NXPE2: variants seen among roughly 807,000 people sequenced by gnomAD.
NXPE2 encodes NXPE family member 2.
In NXPE2, 34 loss-of-function variants were observed where a neutral mutation model predicts 34.4. That is an observed-to-expected ratio of 0.99 (90% CI 0.75 to 1.31). The LOEUF (loss-of-function observed/expected upper bound fraction) is 1.31, where lower values mean the gene tolerates loss of function less well. Among genes scored for constraint, NXPE2 ranks in the 40% most tolerant of loss-of-function variants. The pLI is 0.00. For synonymous variants in NXPE2, 235 were observed against 231.3 expected (o/e 1.02, Z -0.15); for missense variants, 649 against 672.5 (o/e 0.97, Z 0.39).
chr11:114,607,610 C>T, the NXPE2 span, among the ~76,000 whole-genome samples: 1 of 151,752 alleles, frequency 6.6e-6, no homozygotes, highest in African/African-American at 2.4e-5. Context: ...CGTGAGTAAC[C>T]AGTGTTACCC....
the NXPE2 span, among the ~76,000 whole-genome samples, chr11:114,639,695 T>C: frequency 7.3e-6 from 1 of 137,842 alleles, no homozygotes; most frequent in Non-Finnish European, 1.5e-5. Flanking sequence ...GTATCTATTC[T>C]ATAATATATT....
chr11:114,475,924 A>C, the NXPE2 span, among the ~76,000 whole-genome samples: 1 of 152,210 alleles, frequency 6.6e-6, no homozygotes, highest in Admixed American at 6.5e-5. Flanking sequence ...ACAGTAGCCA[A>C]TCACCAACAG....
chr11:114,636,921 GA>G, the NXPE2 span, among the ~76,000 whole-genome samples: 1 of 152,070 alleles, frequency 6.6e-6, no homozygotes, highest in Non-Finnish European at 1.5e-5. Context: ...GTGTGTTGCT[GA>G]AAAAAATGTA....
At chr11:114,557,733 G>T in the NXPE2 span, among the ~76,000 whole-genome samples, 1 of 143,972 alleles carries the variant, frequency 6.9e-6, no homozygotes, top group East Asian at 2.0e-4. Context: ...CTTCTTTGCC[G>T]TTCTCTACTG....
chr11:114,645,567 A>C, the NXPE2 span, among the ~76,000 whole-genome samples: 1 of 152,208 alleles, frequency 6.6e-6, no homozygotes, highest in Non-Finnish European at 1.5e-5. Context: ...AGTGCAATAA[A>C]AGATACCCTA....
At chr11:114,550,774 A>G in the NXPE2 span, among the ~76,000 whole-genome samples, 3 of 152,204 alleles carry the variant, frequency 2.0e-5, no homozygotes, top group Admixed American at 6.5e-5. Context: ...ATAAAAAGAT[A>G]AAATGACAAG....
the NXPE2 span, among the ~76,000 whole-genome samples, chr11:114,663,690 C>T: frequency 5.4e-5 from 8 of 147,150 alleles, no homozygotes; most frequent in Non-Finnish European, 2.9e-5. Flanking sequence ...ATCTATCTAT[C>T]TATCTATCTA....
the NXPE2 span, among the ~76,000 whole-genome samples, chr11:114,740,788 T>C: frequency 6.6e-6 from 1 of 152,306 alleles, no homozygotes; most frequent in East Asian, 1.9e-4. Context: ...TCTATAATTA[T>C]ATTGCTGTCT....
chr11:114,581,669 A>G, the NXPE2 span: 1 of 1,359,360 alleles, frequency 7.4e-7, no homozygotes, highest in Non-Finnish European at 1.0e-6. Context: ...AGAAAGAAGA[A>G]ACCCTTTAAA....
At chr11:114,635,653 T>C in the NXPE2 span, among the ~76,000 whole-genome samples, 1,378 of 151,984 alleles carry the variant, frequency 9.1e-3, 23 homozygotes, top group African/African-American at 0.032. Flanking sequence ...ATACCTAATT[T>C]ATTGAGAGTT....
the NXPE2 span, among the ~76,000 whole-genome samples, chr11:114,712,609 C>A: frequency 6.6e-6 from 1 of 152,284 alleles, no homozygotes; most frequent in Non-Finnish European, 1.5e-5. Context: ...CAACAGAACA[C>A]AAAACAGCAA....
the NXPE2 span, among the ~76,000 whole-genome samples, chr11:114,547,274 A>G: frequency 6.6e-6 from 1 of 152,228 alleles, no homozygotes. Context: ...GTGGAAGACC[A>G]CTTAGCTCTG....
the NXPE2 span, among the ~76,000 whole-genome samples, chr11:114,726,015 T>C: frequency 1.7e-5 from 2 of 115,684 alleles, no homozygotes; most frequent in Non-Finnish European, 3.8e-5. Context: ...AAAACCATAA[T>C]AGTAAGAATC....
At chr11:114,754,088 G>C in the NXPE2 span, among the ~76,000 whole-genome samples, 1 of 152,018 alleles carries the variant, frequency 6.6e-6, no homozygotes, top group African/African-American at 2.4e-5. Context: ...TGATGATTAT[G>C]GTACTCAAAC....
At chr11:114,613,869 C>A in the NXPE2 span, among the ~76,000 whole-genome samples, 1 of 151,986 alleles carries the variant, frequency 6.6e-6, no homozygotes, top group Non-Finnish European at 1.5e-5. Flanking sequence ...TAGGTAACCA[C>A]TTTTGCCCTG....
At chr11:114,798,209 T>C in the NXPE2 span, among the ~76,000 whole-genome samples, 3 of 152,174 alleles carry the variant, frequency 2.0e-5, no homozygotes, top group Non-Finnish European at 4.4e-5. Context: ...AGCTCTGAGA[T>C]TTTTAATGAT....
chr11:114,791,821 C>A, the NXPE2 span, among the ~76,000 whole-genome samples: 994 of 152,248 alleles, frequency 6.5e-3, 7 homozygotes, highest in African/African-American at 0.023. Context: ...CTTTGGGAGG[C>A]CGAGGCGGGC....
chr11:114,792,618 A>G, the NXPE2 span, among the ~76,000 whole-genome samples: 1 of 152,208 alleles, frequency 6.6e-6, no homozygotes, highest in Admixed American at 6.5e-5. Context: ...CACAGATGAT[A>G]TACCATTTCT....
At chr11:114,760,031 G>A in the NXPE2 span, among the ~76,000 whole-genome samples, 1 of 151,814 alleles carries the variant, frequency 6.6e-6, no homozygotes, top group South Asian at 2.1e-4. Context: ...GCTTCTAAAT[G>A]CAGATGGAGA....
Sources: allele counts gnomAD v4.1 joint callset (sites outside exome capture counted in the v4.1 genomes callset), GRCh38; gene constraint gnomAD v4.1.1; transcripts MANE v1.5; gene names NCBI Gene and HGNC (gene_info 2026-07-23, HGNC 2026-07-21).